GALNTL6: variants seen among roughly 807,000 people sequenced by gnomAD.
The protein encoded by GALNTL6 is polypeptide N-acetylgalactosaminyltransferase-like 6.
In GALNTL6, 46 loss-of-function variants were observed where a neutral mutation model predicts 73.7. That is an observed-to-expected ratio of 0.62 (90% CI 0.49 to 0.80). GALNTL6 has a LOEUF of 0.80. Ranked by LOEUF, GALNTL6 falls within the 30% of genes least tolerant of loss-of-function variation. The pLI, the probability that GALNTL6 is intolerant of heterozygous loss-of-function variation, is 0.00. For missense variants in GALNTL6, 604 were observed against 755.0 expected, an observed-to-expected ratio of 0.80 and a Z score of 2.34; for synonymous variants, 259 against 263.7, an observed-to-expected ratio of 0.98 and a Z score of 0.17.
intron 2 of GALNTL6, among the ~76,000 whole-genome samples, chr4:171,948,234 T>C (rs1738761731): frequency 6.6e-6 from 1 of 151,924 alleles, no homozygotes; most frequent in Admixed American, 6.6e-5. Context: ...GCTGTCAGAG[T>C]CAGAGAAGAA....
At chr4:172,953,209 T>C in intron 10 of GALNTL6, among the ~76,000 whole-genome samples, 1 of 152,226 alleles carries the variant, frequency 6.6e-6, no homozygotes. Context: ...ATATCTATCT[T>C]TTGGCATAGA....
intron 5 of GALNTL6, among the ~76,000 whole-genome samples, chr4:172,624,491 C>G (rs1360718525): frequency 6.6e-6 from 1 of 151,856 alleles, no homozygotes; most frequent in Non-Finnish European, 1.5e-5. Context: ...AGACTCATTA[C>G]TTCTGCAAAC....
At chr4:172,599,020 G>A (rs1011364684) in intron 5 of GALNTL6, among the ~76,000 whole-genome samples, 2 of 152,138 alleles carry the variant, frequency 1.3e-5, no homozygotes, top group Non-Finnish European at 2.9e-5. Context: ...GGTATGGGAA[G>A]GAGAAATTGG....
chr4:172,687,584 C>A (rs28529695), intron 5 of GALNTL6, among the ~76,000 whole-genome samples: 1 of 148,862 alleles, frequency 6.7e-6, no homozygotes, highest in African/African-American at 2.5e-5. Flanking sequence ...GCCAAGATCG[C>A]GCCACTGCAC....
intron 5 of GALNTL6, among the ~76,000 whole-genome samples, chr4:172,501,594 ACAGGAGAC>A (rs1734263201): frequency 6.6e-6 from 1 of 152,150 alleles, no homozygotes; most frequent in Non-Finnish European, 1.5e-5. Flanking sequence ...GTATGTACTT[ACAGGAGAC>A]ATATCTAGAT....
At chr4:172,612,714 CT>C (rs1037112000) in intron 5 of GALNTL6, among the ~76,000 whole-genome samples, 29 of 152,138 alleles carry the variant, frequency 1.9e-4, no homozygotes, top group Admixed American at 5.9e-4. Context: ...ATTTTTCCTT[CT>C]TTTTTTGTTT....
chr4:172,159,565 G>T (rs934664611), intron 2 of GALNTL6, among the ~76,000 whole-genome samples: 5 of 152,162 alleles, frequency 3.3e-5, no homozygotes, highest in Non-Finnish European at 5.9e-5. Flanking sequence ...CTTCTAAAAA[G>T]TGGGAACAGC....
At chr4:172,020,144 A>T (rs958900025) in intron 2 of GALNTL6, among the ~76,000 whole-genome samples, 19 of 152,022 alleles carry the variant, frequency 1.2e-4, no homozygotes, top group African/African-American at 4.6e-4. Flanking sequence ...ACATACCAAA[A>T]CTTATGGGAT....
intron 6 of GALNTL6, among the ~76,000 whole-genome samples, chr4:172,810,824 C>T (rs1048066712): frequency 1.3e-5 from 2 of 152,146 alleles, no homozygotes; most frequent in African/African-American, 4.8e-5. Flanking sequence ...TCATCAGCAA[C>T]AGTGAGATTC....
chr4:172,829,717 C>G (rs1262230201), intron 7 of GALNTL6, among the ~76,000 whole-genome samples: 9 of 152,222 alleles, frequency 5.9e-5, no homozygotes, highest in Admixed American at 4.6e-4. Flanking sequence ...TGATGTACTT[C>G]CAACCTTTGC....
At chr4:171,833,808 G>T (rs949339119) in intron 2 of GALNTL6, among the ~76,000 whole-genome samples, 1 of 151,680 alleles carries the variant, frequency 6.6e-6, no homozygotes, top group Non-Finnish European at 1.5e-5. Flanking sequence ...ATTTTAGAAC[G>T]TGCTTATATA....
chr4:172,581,350 G>A (rs1737181112), intron 5 of GALNTL6, among the ~76,000 whole-genome samples: 1 of 152,088 alleles, frequency 6.6e-6, no homozygotes, highest in African/African-American at 2.4e-5. Flanking sequence ...TGAATCCTTG[G>A]TAGTAGCTTC....
intron 2 of GALNTL6, among the ~76,000 whole-genome samples, chr4:172,026,602 A>T (rs1741592083): frequency 6.6e-6 from 1 of 152,128 alleles, no homozygotes; most frequent in East Asian, 1.9e-4. Flanking sequence ...ACTAAGTTTC[A>T]TTTTAACTAT....
intron 2 of GALNTL6, among the ~76,000 whole-genome samples, chr4:172,107,777 G>C (rs1732723863): frequency 6.6e-6 from 1 of 151,856 alleles, no homozygotes; most frequent in Non-Finnish European, 1.5e-5. Context: ...ATATACATAT[G>C]TAACTAACCT....
chr4:172,866,253 G>A (rs929502080), intron 7 of GALNTL6, among the ~76,000 whole-genome samples: 3 of 152,082 alleles, frequency 2.0e-5, no homozygotes, highest in Non-Finnish European at 2.9e-5. Flanking sequence ...GTAAATCCTC[G>A]TTGATTCTGG....
intron 8 of GALNTL6, among the ~76,000 whole-genome samples, chr4:172,925,997 C>T (rs1215434235): frequency 6.6e-6 from 1 of 152,158 alleles, no homozygotes; most frequent in East Asian, 1.9e-4. Flanking sequence ...AGGAAAGAGT[C>T]TTACTTACCC....
intron 2 of GALNTL6, among the ~76,000 whole-genome samples, chr4:172,044,077 T>C (rs1224420341): frequency 1.3e-5 from 2 of 151,920 alleles, no homozygotes; most frequent in East Asian, 3.9e-4. Flanking sequence ...GGTTAAGATC[T>C]CTAGGATCTT....
intron 5 of GALNTL6, among the ~76,000 whole-genome samples, chr4:172,791,795 G>T (rs551246611): frequency 1.3e-5 from 2 of 150,948 alleles, no homozygotes; most frequent in East Asian, 1.9e-4. Context: ...TTTAGGAAAA[G>T]AAAAAAAAAG....
chr4:172,189,085 A>G (rs1735495908), intron 2 of GALNTL6, among the ~76,000 whole-genome samples: 1 of 152,060 alleles, frequency 6.6e-6, no homozygotes. Context: ...GGGTTTCCTC[A>G]TTTAAAAATA....
Sources: gnomAD v4.1 joint callset for allele counts (sites outside exome capture counted in the v4.1 genomes callset) on GRCh38, gnomAD v4.1.1 for gene constraint, MANE v1.5 for transcripts, NCBI Gene and HGNC (gene_info 2026-07-23, HGNC 2026-07-21) for gene names.